Variants in CDKAL1 observed in about 807,000 individuals in gnomAD.
CDKAL1 encodes the protein CDKAL1 threonylcarbamoyladenosine tRNA methylthiotransferase, also known as threonylcarbamoyladenosine tRNA methylthiotransferase.
In CDKAL1, 32 loss-of-function variants were observed where a neutral mutation model predicts 68.2. That is an observed-to-expected ratio of 0.47 (90% CI 0.35 to 0.63). The LOEUF (loss-of-function observed/expected upper bound fraction) is 0.63. Among genes scored for constraint, CDKAL1 ranks in the 30% least tolerant of loss-of-function variants. The probability of loss-of-function intolerance (pLI) is 0.00; values close to 1 mark genes in which losing one functional copy is unlikely to be tolerated. For missense variants in CDKAL1, 606 were observed against 696.7 expected (o/e 0.87, Z 1.47); for synonymous variants, 234 against 244.3 (o/e 0.96, Z 0.39).
At chr6:20,779,683 C>G (rs1371551010) in intron 7 of CDKAL1, among the ~76,000 whole-genome samples, 3 of 152,232 alleles carry the variant, frequency 2.0e-5, no homozygotes, top group Non-Finnish European at 4.4e-5. Flanking sequence ...TGCCCAGGTT[C>G]AAGTGATTCT....
chr6:20,842,625 A>G (rs1778220604), intron 8 of CDKAL1, among the ~76,000 whole-genome samples: 1 of 152,300 alleles, frequency 6.6e-6, no homozygotes, highest in Middle Eastern at 3.4e-3. Context: ...TGAGGCTGGG[A>G]GTTCGAGACC....
At chr6:21,227,366 G>A (rs1463096689) in intron 15 of CDKAL1, among the ~76,000 whole-genome samples, 3 of 152,076 alleles carry the variant, frequency 2.0e-5, no homozygotes, top group Non-Finnish European at 4.4e-5. Context: ...CAGTGGTAGT[G>A]ACAATTGAAA....
At chr6:21,222,310 T>C (rs1000163394) in intron 15 of CDKAL1, among the ~76,000 whole-genome samples, 1 of 152,198 alleles carries the variant, frequency 6.6e-6, no homozygotes, top group Non-Finnish European at 1.5e-5. Flanking sequence ...GCATGAATAA[T>C]GTCTGATGTA....
chr6:20,920,827 C>A (rs149475107), intron 9 of CDKAL1, among the ~76,000 whole-genome samples: 192 of 152,208 alleles, frequency 1.3e-3, no homozygotes, highest in African/African-American at 4.2e-3. Context: ...CATTCACTTA[C>A]CCTTTATATA....
chr6:21,013,297 TTTTCTTTC>T (rs1054543047), intron 11 of CDKAL1, among the ~76,000 whole-genome samples: 1 of 152,166 alleles, frequency 6.6e-6, no homozygotes, highest in African/African-American at 2.4e-5. Context: ...TCTCTCTCTC[TTTTCTTTC>T]TTTCTTTCTT....
rs545162371 is a variant in CDKAL1, at chr6:20,714,378, C to CTTT, written c.372-25115_372-25113dup. On this transcript the variant is annotated intron_variant, in intron 5 of 15. Coordinates refer to ENST00000274695, the MANE Select transcript of CDKAL1 (RefSeq NM_017774.3). ...AATATTAATGATACTATTGTCTGTT[C>CTTT]TTTTTTTTTTTTTTTTTTTTTTTTT... is the stretch of plus-strand genomic sequence containing the variant. Among the ~76,000 whole-genome samples, 19 of 72,742 alleles carry CTTT rather than the reference C, an allele frequency of 2.6e-4. 1 individual carries two copies. The highest frequency in any genetic ancestry group is 3.4e-4 in the East Asian group (1 of 2,900). The allele number at this position is 72,742 out of a possible 152,430, so 47.7% of individuals were successfully genotyped here.
intron 3 of CDKAL1, among the ~76,000 whole-genome samples, chr6:20,547,508 G>A (rs902924892): frequency 6.6e-6 from 1 of 152,196 alleles, no homozygotes; most frequent in Non-Finnish European, 1.5e-5. Context: ...TCTCTAGTCC[G>A]TGAAATTTTG....
At chr6:20,964,866 C>G (rs1394249625) in intron 10 of CDKAL1, among the ~76,000 whole-genome samples, 1 of 152,026 alleles carries the variant, frequency 6.6e-6, no homozygotes. Flanking sequence ...TGCCATTGAC[C>G]CAAATTATTG....
intron 13 of CDKAL1, among the ~76,000 whole-genome samples, chr6:21,120,448 C>T (rs1352749984): frequency 1.3e-5 from 2 of 152,174 alleles, no homozygotes; most frequent in African/African-American, 4.8e-5. Context: ...GGGAGAATGT[C>T]CTAAGTAAGT....
At chr6:20,723,858 A>G (rs1772507207) in intron 5 of CDKAL1, among the ~76,000 whole-genome samples, 2 of 152,148 alleles carry the variant, frequency 1.3e-5, no homozygotes, top group African/African-American at 2.4e-5. Context: ...TTTTGTGACT[A>G]TGTAAATTTG....
rs796756871 is a variant in CDKAL1, at chr6:21,104,531, C to A, written c.1237-3870C>A. 4.1e-3 allele frequency among the ~76,000 whole-genome samples: 588 copies of A among 144,598 alleles called. 3 individuals are homozygous for A. Among genetic ancestry groups the A allele is most frequent in the African/African-American group, 0.014 (542 of 39,304 alleles). The allele number at this position is 144,598 out of a possible 152,430, so 94.9% of individuals were successfully genotyped here. ...TAAAACTTTATTTAAAAAAAAAAAA[C>A]AACAGGCAGTGGGTCAGATTGGCTA... On this transcript the variant is annotated intron_variant, in intron 12 of 15. Coordinates refer to ENST00000274695, the MANE Select transcript of CDKAL1 (RefSeq NM_017774.3).
rs145534162 is a variant in CDKAL1 at position 20,822,544 on chromosome 6, ATAGGGT to A, written c.639-23526_639-23521del. Among the ~76,000 whole-genome samples the A allele has an allele frequency of 4.0e-3, 605 of 152,294 alleles. 8 individuals carry two copies. The highest frequency in any genetic ancestry group is 0.013 in the African/African-American group (557 of 41,572). On this transcript the variant is annotated intron_variant, in intron 8 of 15. Transcript: ENST00000274695. ...CAGCATCGTTTTCTTTGGCTCAGCG[ATAGGGT>A]TAGGCTTTGTGTCCTCACCCAAATC...
chr6:20,712,400 A>T (rs183586116), intron 5 of CDKAL1, among the ~76,000 whole-genome samples: 30 of 152,232 alleles, frequency 2.0e-4, no homozygotes, highest in Non-Finnish European at 3.5e-4. Context: ...TTCTGTATCT[A>T]TAAGAGCACA....
At chr6:21,145,386 A>AT (rs10708192) in intron 13 of CDKAL1, among the ~76,000 whole-genome samples, 1 of 152,100 alleles carries the variant, frequency 6.6e-6, no homozygotes, top group Non-Finnish European at 1.5e-5. Context: ...ATGAGAAAAG[A>AT]TTTTTTTCCC....
At chr6:20,778,504 G>T (rs868164821) in intron 7 of CDKAL1, among the ~76,000 whole-genome samples, 2 of 152,188 alleles carry the variant, frequency 1.3e-5, no homozygotes, top group Non-Finnish European at 2.9e-5. Context: ...GGACCAATGG[G>T]TGTATGTATG....
intron 13 of CDKAL1, among the ~76,000 whole-genome samples, chr6:21,121,972 T>C (rs79622828): frequency 0.012 from 1,766 of 152,314 alleles, 43 homozygotes; most frequent in African/African-American, 0.039. Flanking sequence ...CTGTCCCCCA[T>C]ACACACAAAA....
intron 4 of CDKAL1, among the ~76,000 whole-genome samples, chr6:20,553,482 C>T: frequency 6.6e-6 from 1 of 152,148 alleles, no homozygotes; most frequent in Non-Finnish European, 1.5e-5. Flanking sequence ...GCATTCCAGC[C>T]TGGGTGACAG....
chr6:20,674,401 T>A (rs1769992581), intron 5 of CDKAL1, among the ~76,000 whole-genome samples: 1 of 152,240 alleles, frequency 6.6e-6, no homozygotes, highest in Admixed American at 6.5e-5. Context: ...TTTGTCATGT[T>A]AAGAAACTAT....
At chr6:20,984,690 G>A (rs368022559) in intron 10 of CDKAL1, among the ~76,000 whole-genome samples, 6 of 152,024 alleles carry the variant, frequency 3.9e-5, no homozygotes, top group East Asian at 3.9e-4. Flanking sequence ...CCGAAGCTAC[G>A]CCTTCAAGCT....
Sources: allele counts gnomAD v4.1 joint callset (sites outside exome capture counted in the v4.1 genomes callset), GRCh38; gene constraint gnomAD v4.1.1; transcripts MANE v1.5; gene names NCBI Gene and HGNC (gene_info 2026-07-23, HGNC 2026-07-21).